The following PPP2R1B variants were observed in gnomAD, a reference collection of about 807,000 sequenced individuals.
PPP2R1B encodes protein phosphatase 2 scaffold subunit Abeta.
In PPP2R1B, 58 loss-of-function variants were observed where a neutral mutation model predicts 72.7. That is an observed-to-expected ratio of 0.80 (90% CI 0.65 to 0.99). The LOEUF (loss-of-function observed/expected upper bound fraction) is 0.99. Ranked by LOEUF, PPP2R1B falls within the 50% of genes least tolerant of loss-of-function variation. PPP2R1B has a pLI of 0.00. For synonymous variants in PPP2R1B, 256 were observed against 264.6 expected (o/e 0.97, Z 0.32); for missense variants, 695 against 733.6 (o/e 0.95, Z 0.61).
chr11:111,727,047 T>C, exon 16 of PPP2R1B: 1 of 1,614,024 alleles, frequency 6.2e-7, no homozygotes, highest in Non-Finnish European at 8.5e-7. Context: ...ACGCAACTGA[T>C]ACACTGGTCC....
At chr11:111,723,257 G>C (rs1165818441), downstream of PPP2R1B, among the ~76,000 whole-genome samples, 1 of 152,144 alleles carries the variant, frequency 6.6e-6, no homozygotes, top group Non-Finnish European at 1.5e-5. Context: ...AAAAAACTCG[G>C]AGTCAGAGAA....
chr11:111,721,125 G>A, the PPP2R1B span: 1 of 1,522,452 alleles, frequency 6.6e-7, no homozygotes, highest in Non-Finnish European at 8.8e-7. Context: ...TTGTCCTGAA[G>A]ATGGTCATTT....
At chr11:111,732,561 G>C (rs549363219) in intron 15 of PPP2R1B, among the ~76,000 whole-genome samples, 1 of 152,292 alleles carries the variant, frequency 6.6e-6, no homozygotes, top group African/African-American at 2.4e-5. Context: ...TGTGGTGGCG[G>C]GCGCCTGTAA....
In PPP2R1B at chr11:111,740,222, A is replaced by G. The variant is rs187877985; in HGVS notation, c.*1374T>C. 8,568 of 985,046 alleles carry G rather than the reference A, an allele frequency of 8.7e-3. 45 individuals carry two copies. The highest frequency in any genetic ancestry group is 0.025 in the Middle Eastern group (48 of 1,914). The allele number at this position is 985,046 out of a possible 1,614,324, so 61.0% of individuals were successfully genotyped here. A position where few individuals can be genotyped will look rare whatever the true frequency, so the allele number is the denominator to read the frequency against. On this transcript the variant is annotated 3_prime_UTR_variant, in exon 15 of 15. Coordinates refer to ENST00000527614, the MANE Select transcript of PPP2R1B (RefSeq NM_002716.5). The stretch of plus-strand genomic sequence containing the variant: ...AGGTGAGTTTGATTATGTGAAAAAT[A>G]GTTGTTTTTTTTTGAGATGGACTCT...
the PPP2R1B span, chr11:111,688,228 A>G: frequency 6.5e-7 from 1 of 1,537,406 alleles, no homozygotes; most frequent in South Asian, 1.1e-5. The surrounding 1 kb of genome is among the most constrained non-coding windows in gnomAD (Gnocchi z 4.2). Flanking sequence ...GTGTGGAAAC[A>G]GACCTGCAGG....
chr11:111,712,188 G>A, the PPP2R1B span: 1 of 1,610,212 alleles, frequency 6.2e-7, no homozygotes, highest in African/African-American at 1.3e-5. Flanking sequence ...TTCCCAAACT[G>A]TCTGTTCTTG....
At chr11:111,697,138 C>T in the PPP2R1B span, among the ~76,000 whole-genome samples, 1 of 152,232 alleles carries the variant, frequency 6.6e-6, no homozygotes, top group Non-Finnish European at 1.5e-5. Flanking sequence ...TTCTATTCCA[C>T]TGCTGCAACT....
rs1944992786 is a variant in PPP2R1B at position 111,753,553 on chromosome 11, G to GTTGA, written c.1050_1053dup (p.His352SerfsTer25). ...ACAGAAGCTAGAGCCGATTTGACAT[G>GTTGA]TTGATTGGTATCGGATACTAATTCC... On this transcript the variant is annotated frameshift_variant, in exon 9 of 15. Coordinates refer to ENST00000527614, the MANE Select transcript of PPP2R1B (RefSeq NM_002716.5). LOFTEE classifies it high-confidence loss of function. 6.2e-7 allele frequency: 1 copy of GTTGA among 1,611,424 alleles called. No individual in the cohort carries two copies. The highest frequency in any genetic ancestry group is 1.7e-5 in the Admixed American group (1 of 59,576).
chr11:111,711,363 C>T, the PPP2R1B span, among the ~76,000 whole-genome samples: 27 of 152,128 alleles, frequency 1.8e-4, no homozygotes, highest in Admixed American at 9.2e-4. Context: ...TCTCATGATC[C>T]GCCTGCCTCG....
At chr11:111,750,942 G>T (rs989480544) in intron 10 of PPP2R1B, among the ~76,000 whole-genome samples, 1 of 151,930 alleles carries the variant, frequency 6.6e-6, no homozygotes. Context: ...GGGTTCAAGC[G>T]ATTCTCCTGC....
At chr11:111,698,688 G>A in the PPP2R1B span, among the ~76,000 whole-genome samples, 40 of 152,290 alleles carry the variant, frequency 2.6e-4, no homozygotes, top group Admixed American at 2.4e-3. Flanking sequence ...TCTAGCCTGG[G>A]CAACAGAGCA....
At chr11:111,697,878 C>T in the PPP2R1B span, among the ~76,000 whole-genome samples, 1 of 152,070 alleles carries the variant, frequency 6.6e-6, no homozygotes, top group Admixed American at 6.6e-5. Flanking sequence ...GGCATGGTGG[C>T]GTGAGTCTAT....
At chr11:111,765,981 C>G (rs1256310461) in intron 1 of PPP2R1B, 11 of 569,610 alleles carry the variant, frequency 1.9e-5, no homozygotes, top group South Asian at 1.1e-4. Context: ...AGGCGGGAAG[C>G]GGGTTCCCCG....
At chr11:111,719,978 T>C in the PPP2R1B span, 1 of 1,613,862 alleles carries the variant, frequency 6.2e-7, no homozygotes, top group East Asian at 2.2e-5. Flanking sequence ...AAGTGACCAA[T>C]CAACTGGTCG....
At chr11:111,712,195 C>G in the PPP2R1B span, 1 of 1,612,506 alleles carries the variant, frequency 6.2e-7, no homozygotes, top group Non-Finnish European at 8.5e-7. Context: ...ACTGTCTGTT[C>G]TTGCCATATT....
intron 15 of PPP2R1B, chr11:111,728,904 A>G (rs909839036): frequency 6.6e-6 from 1 of 150,486 alleles, no homozygotes; most frequent in African/African-American, 2.5e-5. Context: ...AGCCTGGGCG[A>G]CAGAGCAAGA....
chr11:111,691,961 C>T, the PPP2R1B span, among the ~76,000 whole-genome samples: 1 of 152,104 alleles, frequency 6.6e-6, no homozygotes, highest in Non-Finnish European at 1.5e-5. Flanking sequence ...AGGAGAAAGA[C>T]TAACTCTGTC....
chr11:111,756,686 CTT>C (rs1214095579), intron 5 of PPP2R1B, among the ~76,000 whole-genome samples: 2 of 152,176 alleles, frequency 1.3e-5, no homozygotes, highest in African/African-American at 2.4e-5. Context: ...GACAGAATAA[CTT>C]TGAGGAAGCT....
At chr11:111,756,426 A>G (rs983478615) in intron 5 of PPP2R1B, among the ~76,000 whole-genome samples, 1 of 152,164 alleles carries the variant, frequency 6.6e-6, no homozygotes, top group African/African-American at 2.4e-5. Flanking sequence ...AAGCCTTACT[A>G]TAACAGAAAG....
Sources: gnomAD v4.1 joint callset for allele counts (sites outside exome capture counted in the v4.1 genomes callset) on GRCh38, gnomAD v4.1.1 for gene constraint, Gnocchi (gnomAD v3.1) non-coding constraint, MANE v1.5 for transcripts, NCBI Gene and HGNC (gene_info 2026-07-23, HGNC 2026-07-21) for gene names.